The following PHF6 variants were observed in gnomAD, a reference collection of about 807,000 sequenced individuals.
PHF6 encodes the protein PHD-like zinc finger protein.
PHF6 carries 7 observed loss-of-function variants against 34.0 expected under a neutral mutation model. The observed-to-expected ratio is 0.21, with a 90% confidence interval of 0.12 to 0.39. The LOEUF (loss-of-function observed/expected upper bound fraction) is 0.39, where lower values mean the gene tolerates loss of function less well. Among genes scored for constraint, PHF6 ranks in the 10% least tolerant of loss-of-function variants. PHF6 has a pLI of 1.00. For missense variants in PHF6, 128 were observed against 262.8 expected, an observed-to-expected ratio of 0.49 and a Z score of 3.55; for synonymous variants, 89 against 88.4, an observed-to-expected ratio of 1.01 and a Z score of -0.04.
intron 10 of PHF6, 85 bp downstream of exon 10, chrX:134,425,415 AT>A (rs975026595): frequency 1.5e-5 from 16 of 1,066,147 alleles, no homozygotes; most frequent in Admixed American, 4.5e-5. Context: ...ATGCAGTAAG[AT>A]TTTTTTTAAT....
rs1239653489 is a variant in PHF6, at chrX:134,414,004, G to T, written c.729+38G>T. ...CTTTTAAGCCCAATTTTGTTTTTTT[G>T]TTGTTTGTTTTTCTTTGTTTCCCCT... On this transcript the variant is annotated intron_variant, in intron 7 of 10. Transcript: ENST00000370803. The T allele has an allele frequency of 3.4e-6, 4 of 1,185,365 alleles. No homozygotes were observed. The African/African-American group carries it at 7.1e-5, about 21-fold the overall frequency.
chrX:134,413,879 T>C lies in PHF6; in HGVS notation c.642T>C (p.Phe214=). ...GTGACACCAGGCCTAAATGTGGATT[T>C]TGCCATGTAGGGGAGGAAGAAAATG... The part of the protein sequence containing the change: ...SPSDTRPKCG[F]CHVGEEENEA... Residue 214 remains phenylalanine (F), a synonymous_variant, in exon 7 of 11, where the codon TTT becomes TTC. Coordinates refer to ENST00000370803, the MANE Select transcript of PHF6 (RefSeq NM_001015877.2). 1 of 1,210,914 alleles carries C rather than the reference T, an allele frequency of 8.3e-7. No homozygotes were observed.
chrX:134,393,839 G>T, intron 4 of PHF6, 70 bp from the exon 5 acceptor site: 1 of 1,033,155 alleles, frequency 9.7e-7, no homozygotes, highest in East Asian at 3.0e-5. Flanking sequence ...TGTACTGCTC[G>T]TTTTCTTAAT....
At chrX:134,414,273 T>C (rs2077463124) in intron 7 of PHF6, among the ~76,000 whole-genome samples, 1 of 111,825 alleles carries the variant, frequency 8.9e-6, no homozygotes, top group Non-Finnish European at 1.9e-5. Flanking sequence ...AAATTTTGTC[T>C]TTATAAGCAT....
At chrX:134,384,897 C>T (rs1443926289) in intron 3 of PHF6, among the ~76,000 whole-genome samples, 4 of 110,962 alleles carry the variant, frequency 3.6e-5, no homozygotes, top group African/African-American at 6.6e-5. Context: ...ATGATCCGCC[C>T]GCCTTGGCCT....
intron 5 of PHF6, among the ~76,000 whole-genome samples, chrX:134,406,110 C>CTT (rs761145296): frequency 2.6e-5 from 2 of 77,002 alleles, no homozygotes; most frequent in Admixed American, 1.4e-4. Context: ...TTCTTTCTTT[C>CTT]TTTTTTTTTT....
intron 5 of PHF6, among the ~76,000 whole-genome samples, chrX:134,399,864 C>T (rs72615433): frequency 0.15 from 16,298 of 110,394 alleles, 1,120 homozygotes; most frequent in East Asian, 0.43. Context: ...TATAATGACA[C>T]GTACCTACCA....
intron 1 of PHF6, among the ~76,000 whole-genome samples, chrX:134,374,170 G>A (rs746724379): frequency 1.8e-5 from 2 of 111,639 alleles, no homozygotes; most frequent in African/African-American, 6.5e-5. Flanking sequence ...TATGTGTACC[G>A]TCTTTCATTA....
intron 3 of PHF6, among the ~76,000 whole-genome samples, chrX:134,386,696 G>A (rs974071727): frequency 9.0e-6 from 1 of 111,577 alleles, no homozygotes; most frequent in Non-Finnish European, 1.9e-5. Context: ...GATTACAGGC[G>A]TGAGCCACCG....
chrX:134,404,226 A>T lies in PHF6; in HGVS notation c.419-9265A>T, dbSNP rs372605230. 7.1e-5 allele frequency among the ~76,000 whole-genome samples: 8 copies of T among 112,492 alleles called. No homozygotes were observed. The East Asian group carries it at 8.4e-4, about 12-fold the overall frequency. On this transcript the variant is annotated intron_variant, in intron 5 of 10. Coordinates refer to ENST00000370803, the MANE Select transcript of PHF6 (RefSeq NM_001015877.2). ...CTGTGATTCAAGGGCAGAGGTCAAC[A>T]TATCGATGTTAACGGGAATTTGGAA...
intron 9 of PHF6, among the ~76,000 whole-genome samples, chrX:134,424,297 A>G (rs943385770): frequency 9.0e-6 from 1 of 111,680 alleles, no homozygotes; most frequent in African/African-American, 3.2e-5. Context: ...TTCCAGATTT[A>G]AAGGGGAAAA....
At chrX:134,410,050 C>T (rs1418119058) in intron 5 of PHF6, among the ~76,000 whole-genome samples, 2 of 111,985 alleles carry the variant, frequency 1.8e-5, no homozygotes, top group Non-Finnish European at 3.8e-5. Context: ...TTGACGCACA[C>T]CTAGGGTGAT....
chrX:134,421,877 A>G (rs1185014050), intron 9 of PHF6, among the ~76,000 whole-genome samples: 1 of 108,321 alleles, frequency 9.2e-6, no homozygotes, highest in Non-Finnish European at 1.9e-5. Context: ...TTACTAGATC[A>G]GAGACATTTT....
intron 9 of PHF6, chrX:134,417,746 C>G: frequency 8.3e-6 from 1 of 119,881 alleles, no homozygotes; most frequent in Admixed American, 8.6e-5. Flanking sequence ...GTAATCCCAG[C>G]TACTCGGGAG....
intron 9 of PHF6, among the ~76,000 whole-genome samples, chrX:134,423,563 C>T (rs1009796067): frequency 1.8e-5 from 2 of 111,702 alleles, no homozygotes; most frequent in Admixed American, 9.5e-5. Flanking sequence ...AGGTAGTTCC[C>T]AATGTGTAGT....
intron 1 of PHF6, among the ~76,000 whole-genome samples, chrX:134,376,096 A>G (rs2077277156): frequency 8.9e-6 from 1 of 111,988 alleles, no homozygotes; most frequent in Non-Finnish European, 1.9e-5. Flanking sequence ...TTAAAAAGAA[A>G]ATTCTAGACA....
At chrX:134,402,417 T>G (rs1374624805) in intron 5 of PHF6, among the ~76,000 whole-genome samples, 1 of 112,322 alleles carries the variant, frequency 8.9e-6, no homozygotes, top group Admixed American at 9.5e-5. Flanking sequence ...AAGGCAGTAT[T>G]ATACACTGGT....
In PHF6 at chrX:134,383,768, C is replaced by A. The variant is rs766227248; in HGVS notation, c.240+5662C>A. On this transcript the variant is annotated intron_variant, in intron 3 of 10. Transcript: ENST00000370803. ...TGACTGTAGCTAGTAAGTGGCAGAGCTGGGATTTGAATCCAGGGTCAGTTG... is the reference window on the plus strand; with the variant it reads ...TGACTGTAGCTAGTAAGTGGCAGAGATGGGATTTGAATCCAGGGTCAGTTG... Among the ~76,000 whole-genome samples, 5 of 111,635 alleles carry A rather than the reference C, an allele frequency of 4.5e-5. No individual in the cohort carries two copies. The East Asian group carries it at 1.4e-3, about 31-fold the overall frequency.
chrX:134,390,977 C>CTTTTTTTTTTTTTTTTTTTTTTTTTTTT (rs1216287733), intron 3 of PHF6, among the ~76,000 whole-genome samples: 1 of 71,498 alleles, frequency 1.4e-5, no homozygotes, highest in East Asian at 4.8e-4. Context: ...TTTTTTTTTT[C>CTTTTTTTTTTTTTTTTTTTTTTTTTTTT]TTTTTTTTTT....
Sources: allele counts gnomAD v4.1 joint callset (sites outside exome capture counted in the v4.1 genomes callset), GRCh38; gene constraint gnomAD v4.1.1; transcripts MANE v1.5; gene names NCBI Gene and HGNC (gene_info 2026-07-23, HGNC 2026-07-21).